Variants in RHOA observed in about 807,000 individuals in gnomAD.
The protein encoded by RHOA is transforming protein RhoA.
RHOA carries 3 observed loss-of-function variants against 17.5 expected under a neutral mutation model. The ratio of observed to expected loss-of-function variants is 0.17; its 90% confidence interval spans 0.08 to 0.44. The LOEUF (loss-of-function observed/expected upper bound fraction) is 0.44, where lower values mean the gene tolerates loss of function less well. Ranked by LOEUF, RHOA falls within the 20% of genes least tolerant of loss-of-function variation. RHOA has a pLI of 0.99. For synonymous variants in RHOA, 98 were observed against 88.4 expected (o/e 1.11, Z -0.61); for missense variants, 56 against 242.3 (o/e 0.23, Z 5.10).
At chr3:49,371,703 T>C (rs2048149675) in intron 2 of RHOA, among the ~76,000 whole-genome samples, 1 of 152,202 alleles carries the variant, frequency 6.6e-6, no homozygotes, top group South Asian at 2.1e-4. Context: ...AACACTTTTA[T>C]TCCAGGGGAC....
At chr3:49,376,982 G>C (rs2048238286) in intron 1 of RHOA, among the ~76,000 whole-genome samples, 1 of 152,082 alleles carries the variant, frequency 6.6e-6, no homozygotes, top group South Asian at 2.1e-4. Context: ...TACAAAATTA[G>C]CCAGGCGTGG....
At chr3:49,387,151 A>C (rs1349265810) in intron 1 of RHOA, among the ~76,000 whole-genome samples, 11 of 101,100 alleles carry the variant, frequency 1.1e-4, no homozygotes, top group East Asian at 6.6e-4. Context: ...AAAAAAAAAA[A>C]AAAAAAAAAC....
chr3:49,362,119 G>A (rs778489226), intron 4 of RHOA, among the ~76,000 whole-genome samples: 6 of 151,058 alleles, frequency 4.0e-5, no homozygotes, highest in African/African-American at 9.7e-5. Context: ...CCCCGGAGGC[G>A]GAGGTTGCAG....
intron 1 of RHOA, among the ~76,000 whole-genome samples, chr3:49,376,246 T>G (rs2048224834): frequency 6.6e-6 from 1 of 152,188 alleles, no homozygotes; most frequent in Admixed American, 6.6e-5. Context: ...GAAGTAAAAC[T>G]ATCTCAATTC....
In RHOA at chr3:49,388,007, C is replaced by CTT. The variant is rs772445967; in HGVS notation, c.-2-12418_-2-12417dup. On this transcript the variant is annotated intron_variant, in intron 1 of 4. Coordinates refer to ENST00000418115, the MANE Select transcript of RHOA (RefSeq NM_001664.4). Reference sequence around the variant, plus strand: ...ATGTCAAGGAAGGGGATGGCTTTCTCTTTTTTTTTTTTTCCTGGAGACAAG... The same window carrying CTT: ...ATGTCAAGGAAGGGGATGGCTTTCTCTTTTTTTTTTTTTTTCCTGGAGACAAG... 3.1e-4 allele frequency among the ~76,000 whole-genome samples: 44 copies of CTT among 143,824 alleles called. 1 individual carries two copies. Among genetic ancestry groups the CTT allele is most frequent in the South Asian group, 1.5e-3 (7 of 4,532 alleles). 94.4% of individuals were successfully genotyped at this position (143,824 alleles called of 152,430 possible).
At chr3:49,392,984 C>T (rs1480867527) in intron 1 of RHOA, among the ~76,000 whole-genome samples, 1 of 152,004 alleles carries the variant, frequency 6.6e-6, no homozygotes, top group Non-Finnish European at 1.5e-5. Context: ...CAAGACCAGC[C>T]TGGCCAACAT....
chr3:49,408,404 G>T (rs1233691767), intron 1 of RHOA, among the ~76,000 whole-genome samples: 2 of 152,118 alleles, frequency 1.3e-5, no homozygotes, highest in Admixed American at 1.3e-4. Context: ...TTTAGCAAGA[G>T]TATTTGATGT....
At chr3:49,392,680 C>G (rs1463554750) in intron 1 of RHOA, among the ~76,000 whole-genome samples, 2 of 152,180 alleles carry the variant, frequency 1.3e-5, no homozygotes, top group African/African-American at 2.4e-5. Flanking sequence ...AGTTCCTTGG[C>G]CACACTGACC....
At chr3:49,363,949 T>C (rs892396203) in intron 3 of RHOA, among the ~76,000 whole-genome samples, 5 of 152,126 alleles carry the variant, frequency 3.3e-5, no homozygotes, top group Non-Finnish European at 5.9e-5. Context: ...CTTGAGAGGC[T>C]GAGGTGGGAG....
rs575265916 is a variant in RHOA, at chr3:49,361,633, C to A, written c.408+863G>T. Among the ~76,000 whole-genome samples the A allele has an allele frequency of 5.5e-4, 84 of 152,314 alleles. 1 individual carries two copies. The South Asian group carries it at 0.017, about 30-fold the overall frequency. ...TGGTGGCTCACACCTGTAATCCCAG[C>A]ACTTTGGGAGGCCAAGGCGGGCAGA... On this transcript the variant is annotated intron_variant, in intron 4 of 4. Transcript: ENST00000418115.
At position 49,360,075 on chromosome 3, in the gene RHOA, TG is replaced by T; in HGVS notation, c.*133del. On this transcript the variant is annotated 3_prime_UTR_variant, in exon 5 of 5. Coordinates refer to ENST00000418115, the MANE Select transcript of RHOA (RefSeq NM_001664.4). ...ATAATCATAGTTGGCTTCTAAATAC[TG>T]GTAGCAAGATGACTTCTGATTTGTA... 1 of 1,049,582 alleles carries T rather than the reference TG, an allele frequency of 9.5e-7. No homozygotes were observed. The highest frequency in any genetic ancestry group is 1.6e-5 in the African/African-American group (1 of 62,408). The allele number at this position is 1,049,582 out of a possible 1,614,324, so 65.0% of individuals were successfully genotyped here.
chr3:49,387,484 C>A (rs1158166684), intron 1 of RHOA, among the ~76,000 whole-genome samples: 1 of 147,370 alleles, frequency 6.8e-6, no homozygotes, highest in Non-Finnish European at 1.5e-5. Context: ...GTGGCTCATG[C>A]CTGTAATCCC....
intron 1 of RHOA, among the ~76,000 whole-genome samples, chr3:49,387,755 A>C (rs1017204434): frequency 4.0e-5 from 6 of 150,070 alleles, no homozygotes; most frequent in African/African-American, 1.5e-4. Context: ...AAAAAAAACA[A>C]AAAAAAAAAC....
intron 1 of RHOA, 26 bp from the exon 2 acceptor site, chr3:49,375,617 C>T: frequency 6.2e-7 from 1 of 1,608,152 alleles, no homozygotes; most frequent in South Asian, 1.1e-5. Context: ...CAGATATTAC[C>T]TGCAATGCAC....
chr3:49,368,680 C>A, intron 2 of RHOA, 132 bp from the exon 3 acceptor site: 3 of 846,674 alleles, frequency 3.5e-6, no homozygotes, highest in Non-Finnish European at 5.6e-6. Context: ...CAGTAAAACA[C>A]AGGAGTATTT....
chr3:49,399,114 A>T (rs1409953309), intron 1 of RHOA, among the ~76,000 whole-genome samples: 27 of 146,576 alleles, frequency 1.8e-4, no homozygotes, highest in Non-Finnish European at 4.0e-4. Context: ...TCATGCCTGT[A>T]ATCCCAGCAC....
In RHOA at chr3:49,410,178, G is replaced by A. The variant is rs1247482403; in HGVS notation, c.-3+1642C>T. Among the ~76,000 whole-genome samples the A allele has an allele frequency of 2.6e-5, 4 of 152,176 alleles. No homozygotes were observed. The East Asian group carries it at 7.7e-4, about 29-fold the overall frequency. ...AATAAGCTAGAAGTCCTGAATTTTAGCTGACTCTGGAGGCCAACTGCTTGG... is the reference window on the plus strand; with the variant it reads ...AATAAGCTAGAAGTCCTGAATTTTAACTGACTCTGGAGGCCAACTGCTTGG... On this transcript the variant is annotated intron_variant, in intron 1 of 4. Transcript: ENST00000418115.
intron 1 of RHOA, among the ~76,000 whole-genome samples, chr3:49,408,904 T>C (rs891284677): frequency 6.6e-6 from 1 of 151,672 alleles, no homozygotes; most frequent in Non-Finnish European, 1.5e-5. Flanking sequence ...GCCATTCCCC[T>C]GCCTCAGCCT....
intron 1 of RHOA, among the ~76,000 whole-genome samples, chr3:49,408,557 A>T (rs531515166): frequency 6.6e-6 from 1 of 152,324 alleles, no homozygotes; most frequent in East Asian, 1.9e-4. Context: ...TTCACTTAAT[A>T]CTACAGCTCC....
Sources: allele counts gnomAD v4.1 joint callset (sites outside exome capture counted in the v4.1 genomes callset), GRCh38; gene constraint gnomAD v4.1.1; transcripts MANE v1.5; gene names NCBI Gene and HGNC (gene_info 2026-07-23, HGNC 2026-07-21).